SLC25A21: variants seen among roughly 807,000 people sequenced by gnomAD.
SLC25A21 encodes the protein solute carrier family 25 member 21.
Under a neutral mutation model 43.8 loss-of-function variants are expected in SLC25A21, and 47 were observed. The ratio of observed to expected loss-of-function variants is 1.07; its 90% CI spans 0.85 to 1.37. The LOEUF (loss-of-function observed/expected upper bound fraction) is 1.37. SLC25A21 is among the 40% of genes most tolerant of loss of function. The probability of loss-of-function intolerance (pLI) is 0.00; values close to 1 mark genes in which losing one functional copy is unlikely to be tolerated. For missense variants in SLC25A21, 352 were observed against 350.2 expected (o/e 1.00, Z -0.04); for synonymous variants, 131 against 121.3 (o/e 1.08, Z -0.52).
chr14:36,987,751 A>G (rs994131654), intron 1 of SLC25A21, among the ~76,000 whole-genome samples: 1 of 152,006 alleles, frequency 6.6e-6, no homozygotes, highest in Non-Finnish European at 1.5e-5. Flanking sequence ...TTGTTCATCA[A>G]TTTTAGTCCA....
chr14:36,956,791 G>C (rs900173596), intron 1 of SLC25A21, among the ~76,000 whole-genome samples: 1 of 152,088 alleles, frequency 6.6e-6, no homozygotes, highest in African/African-American at 2.4e-5. Flanking sequence ...TGAAATGTTT[G>C]TGCTAAATGT....
intron 1 of SLC25A21, among the ~76,000 whole-genome samples, chr14:37,150,667 A>G (rs1484101709): frequency 6.6e-6 from 1 of 152,234 alleles, no homozygotes; most frequent in Non-Finnish European, 1.5e-5. Flanking sequence ...CCAAAATTAT[A>G]GGAAGACAGC....
At chr14:36,985,711 G>A (rs79731357) in intron 1 of SLC25A21, among the ~76,000 whole-genome samples, 181 of 152,138 alleles carry the variant, frequency 1.2e-3, no homozygotes, top group African/African-American at 4.1e-3. Flanking sequence ...TGCTATAATG[G>A]TTGTCGTAAT....
chr14:36,701,927 ATGCT>A (rs1566512665), intron 7 of SLC25A21, among the ~76,000 whole-genome samples: 1 of 152,180 alleles, frequency 6.6e-6, no homozygotes, highest in African/African-American at 2.4e-5. Flanking sequence ...GCACACTGAG[ATGCT>A]TCAACATGGA....
intron 1 of SLC25A21, among the ~76,000 whole-genome samples, chr14:37,042,782 G>A (rs192393686): frequency 1.4e-3 from 215 of 152,256 alleles, no homozygotes; most frequent in African/African-American, 5.1e-3. Flanking sequence ...ATGGGTCCAC[G>A]CTAACCAAGC....
intron 1 of SLC25A21, among the ~76,000 whole-genome samples, chr14:37,138,047 T>C (rs1963512443): frequency 6.6e-6 from 1 of 152,196 alleles, no homozygotes; most frequent in Non-Finnish European, 1.5e-5. Flanking sequence ...AACTTGTTTC[T>C]TAAAATATCT....
intron 1 of SLC25A21, among the ~76,000 whole-genome samples, chr14:37,033,407 T>A (rs1028764765): frequency 6.6e-6 from 1 of 152,222 alleles, no homozygotes; most frequent in African/African-American, 2.4e-5. Flanking sequence ...ATCTTCATCA[T>A]AACATAATAT....
chr14:36,810,961 G>GGGGAAATAAT (rs1555329750), intron 3 of SLC25A21, among the ~76,000 whole-genome samples: 262 of 149,670 alleles, frequency 1.8e-3, no homozygotes, highest in Middle Eastern at 3.5e-3. Flanking sequence ...AGAAAAGAGG[G>GGGGAAATAAT]TCAGGGAGGG....
intron 3 of SLC25A21, among the ~76,000 whole-genome samples, chr14:36,803,631 T>C (rs1429850): frequency 0.02 from 3,044 of 152,306 alleles, 116 homozygotes; most frequent in African/African-American, 0.069. Flanking sequence ...AGACTGTGAC[T>C]ATGTTAGATT....
intron 1 of SLC25A21, among the ~76,000 whole-genome samples, chr14:37,034,557 G>C (rs763990108): frequency 6.6e-6 from 1 of 152,038 alleles, no homozygotes; most frequent in Admixed American, 6.6e-5. Context: ...TAAATTTCTG[G>C]CTTGGATTAT....
At chr14:36,840,641 T>C (rs1408576516) in intron 2 of SLC25A21, among the ~76,000 whole-genome samples, 2 of 152,228 alleles carry the variant, frequency 1.3e-5, no homozygotes, top group South Asian at 2.1e-4. Flanking sequence ...TTCCTTAGAC[T>C]AGGCTTTGAA....
At chr14:36,902,568 TA>T (rs1343035923) in intron 1 of SLC25A21, among the ~76,000 whole-genome samples, 6 of 152,228 alleles carry the variant, frequency 3.9e-5, no homozygotes, top group Admixed American at 3.9e-4. Context: ...AAGGTGTTCA[TA>T]AACTACTAGA....
chr14:36,901,978 G>A (rs1037821700), intron 1 of SLC25A21, among the ~76,000 whole-genome samples: 1 of 152,048 alleles, frequency 6.6e-6, no homozygotes, highest in Non-Finnish European at 1.5e-5. Context: ...TTAACAAGAG[G>A]TTTACATGAC....
At chr14:36,891,776 G>C (rs55764426) in intron 1 of SLC25A21, among the ~76,000 whole-genome samples, 3 of 152,000 alleles carry the variant, frequency 2.0e-5, no homozygotes, top group Non-Finnish European at 2.9e-5. Flanking sequence ...TTCAATACCC[G>C]ATTTCCCCTT....
intron 1 of SLC25A21, among the ~76,000 whole-genome samples, chr14:36,983,777 T>A (rs1449125976): frequency 6.6e-6 from 1 of 152,088 alleles, no homozygotes; most frequent in African/African-American, 2.4e-5. Flanking sequence ...ACGTGTGGTA[T>A]ATATATATAC....
intron 1 of SLC25A21, among the ~76,000 whole-genome samples, chr14:37,105,945 C>A (rs894125521): frequency 6.6e-6 from 1 of 152,068 alleles, no homozygotes; most frequent in Non-Finnish European, 1.5e-5. Context: ...CAGGCTGGAG[C>A]CGCGGCAGAG....
chr14:36,873,997 A>G (rs1219822211), intron 2 of SLC25A21, among the ~76,000 whole-genome samples: 1 of 152,182 alleles, frequency 6.6e-6, no homozygotes, highest in Admixed American at 6.5e-5. Flanking sequence ...CAGCAGCTCC[A>G]TCTAAGACAG....
intron 3 of SLC25A21, among the ~76,000 whole-genome samples, chr14:36,755,252 A>G (rs1006529480): frequency 1.3e-5 from 2 of 152,228 alleles, no homozygotes; most frequent in South Asian, 2.1e-4. Flanking sequence ...GAGGTTCCCT[A>G]TTCACTGAAG....
At chr14:36,762,347 G>C (rs1886190045) in intron 3 of SLC25A21, among the ~76,000 whole-genome samples, 1 of 152,172 alleles carries the variant, frequency 6.6e-6, no homozygotes, top group Non-Finnish European at 1.5e-5. Flanking sequence ...CTGGGCTCAG[G>C]AACACTGCCC....
Sources: gnomAD v4.1 joint callset for allele counts (sites outside exome capture counted in the v4.1 genomes callset) on GRCh38, gnomAD v4.1.1 for gene constraint, MANE v1.5 for transcripts, NCBI Gene and HGNC (gene_info 2026-07-23, HGNC 2026-07-21) for gene names.